LRRC4C: variants seen among roughly 807,000 people sequenced by gnomAD.
LRRC4C encodes leucine rich repeat containing 4C.
A neutral mutation model predicts 33.6 loss-of-function variants in LRRC4C; 5 were observed. The ratio of observed to expected loss-of-function variants is 0.15; its 90% CI spans 0.08 to 0.31. The LOEUF (loss-of-function observed/expected upper bound fraction) is 0.31, where lower values mean the gene tolerates loss of function less well. LRRC4C is among the 10% of genes least tolerant of loss of function. LRRC4C has a pLI of 1.00. For missense variants in LRRC4C, 560 were observed against 796.7 expected (o/e 0.70, Z 3.58); for synonymous variants, 329 against 302.0 (o/e 1.09, Z -0.93).
At chr11:41,205,794 A>C (rs1393100484) in intron 1 of LRRC4C, among the ~76,000 whole-genome samples, 2 of 152,224 alleles carry the variant, frequency 1.3e-5, no homozygotes, top group African/African-American at 4.8e-5. Context: ...AACTCTGTGA[A>C]GTAGATTCTA....
At chr11:41,031,802 G>C (rs938240893) in intron 1 of LRRC4C, among the ~76,000 whole-genome samples, 1 of 151,990 alleles carries the variant, frequency 6.6e-6, no homozygotes, top group Non-Finnish European at 1.5e-5. Context: ...GTTCTAGAAA[G>C]AGCAGCATAA....
At chr11:41,433,546 C>T (rs545403143) in intron 1 of LRRC4C, among the ~76,000 whole-genome samples, 3 of 152,106 alleles carry the variant, frequency 2.0e-5, no homozygotes, top group Admixed American at 6.5e-5. Flanking sequence ...GCAGACCCAC[C>T]CTGAATCTGG....
intron 5 of LRRC4C, among the ~76,000 whole-genome samples, chr11:40,174,373 C>T (rs921313568): frequency 1.3e-5 from 2 of 152,126 alleles, no homozygotes; most frequent in Non-Finnish European, 2.9e-5. Flanking sequence ...GTAACTTTAA[C>T]AAGTAGAAGC....
intron 3 of LRRC4C, among the ~76,000 whole-genome samples, chr11:40,634,760 T>C (rs1963805793): frequency 6.6e-6 from 1 of 151,912 alleles, no homozygotes; most frequent in African/African-American, 2.4e-5. Context: ...TGCATGCCTG[T>C]AGTCTCAGCT....
intron 2 of LRRC4C, among the ~76,000 whole-genome samples, chr11:40,844,356 T>G (rs1953059913): frequency 6.6e-6 from 1 of 152,154 alleles, no homozygotes; most frequent in Non-Finnish European, 1.5e-5. Flanking sequence ...ATGCCAGTGG[T>G]TACTGGAATG....
chr11:40,965,617 A>T (rs922012899), intron 1 of LRRC4C, among the ~76,000 whole-genome samples: 2 of 152,152 alleles, frequency 1.3e-5, no homozygotes, highest in Non-Finnish European at 2.9e-5. Flanking sequence ...ACCATTTATT[A>T]AATAGGGAAT....
intron 3 of LRRC4C, among the ~76,000 whole-genome samples, chr11:40,350,346 G>A (rs1947327338): frequency 6.6e-6 from 1 of 151,982 alleles, no homozygotes; most frequent in Non-Finnish European, 1.5e-5. Flanking sequence ...TATTAAAGAG[G>A]CTGTCCTTTC....
intron 4 of LRRC4C, among the ~76,000 whole-genome samples, chr11:40,294,382 C>A (rs1021708920): frequency 6.6e-6 from 1 of 151,998 alleles, no homozygotes; most frequent in African/African-American, 2.4e-5. Context: ...TCCAGAAATC[C>A]AGGAGTTTTG....
intron 1 of LRRC4C, among the ~76,000 whole-genome samples, chr11:41,180,294 C>T (rs908237918): frequency 2.6e-5 from 4 of 152,142 alleles, no homozygotes; most frequent in South Asian, 2.1e-4. Flanking sequence ...GGAGATAATC[C>T]AACCTGCCAC....
chr11:41,450,347 G>A (rs1024399391), intron 1 of LRRC4C, among the ~76,000 whole-genome samples: 3 of 152,162 alleles, frequency 2.0e-5, no homozygotes, highest in African/African-American at 4.8e-5. Flanking sequence ...CAGGAAAATT[G>A]TTTACATTTA....
At chr11:41,116,898 C>A (rs16935359) in intron 1 of LRRC4C, among the ~76,000 whole-genome samples, 11 of 151,984 alleles carry the variant, frequency 7.2e-5, no homozygotes, top group African/African-American at 2.7e-4. Flanking sequence ...AATTTTTATC[C>A]CACACACCCT....
At chr11:40,660,090 G>A (rs563543939) in intron 2 of LRRC4C, among the ~76,000 whole-genome samples, 1 of 152,186 alleles carries the variant, frequency 6.6e-6, no homozygotes, top group East Asian at 1.9e-4. Flanking sequence ...CATTCTCCTT[G>A]TCCACACACA....
At chr11:41,031,662 A>G (rs748799530) in intron 1 of LRRC4C, among the ~76,000 whole-genome samples, 3 of 152,014 alleles carry the variant, frequency 2.0e-5, no homozygotes, top group African/African-American at 2.4e-5. Context: ...CGGTATTGGG[A>G]CATGCTGGAT....
At chr11:40,508,293 T>C (rs1034406555) in intron 3 of LRRC4C, among the ~76,000 whole-genome samples, 1 of 152,218 alleles carries the variant, frequency 6.6e-6, no homozygotes, top group Non-Finnish European at 1.5e-5. Flanking sequence ...TGTACATTTC[T>C]GTAGTTACTT....
At chr11:40,758,203 T>C (rs1489608599) in intron 2 of LRRC4C, among the ~76,000 whole-genome samples, 1 of 152,066 alleles carries the variant, frequency 6.6e-6, no homozygotes, top group Non-Finnish European at 1.5e-5. Context: ...ATAAATTATA[T>C]GGGATGCTTG....
At chr11:40,336,978 A>G (rs1196883204) in intron 3 of LRRC4C, among the ~76,000 whole-genome samples, 1 of 25,248 alleles carries the variant, frequency 4.0e-5, no homozygotes, top group Non-Finnish European at 1.3e-4. Context: ...CTTCGTCTCA[A>G]AAAAAAAAAA....
chr11:41,067,882 A>C (rs890287590), intron 1 of LRRC4C, among the ~76,000 whole-genome samples: 4 of 152,190 alleles, frequency 2.6e-5, no homozygotes, highest in African/African-American at 9.6e-5. Context: ...AACGTACTAG[A>C]ATCTCTGGCA....
chr11:40,777,949 A>T (rs1360219905), intron 2 of LRRC4C, among the ~76,000 whole-genome samples: 1 of 152,030 alleles, frequency 6.6e-6, no homozygotes, highest in Non-Finnish European at 1.5e-5. Context: ...CGGCCTCCCA[A>T]AGTGCTGGGA....
chr11:41,336,236 A>G (rs1951447342), intron 1 of LRRC4C, among the ~76,000 whole-genome samples: 1 of 152,036 alleles, frequency 6.6e-6, no homozygotes. Flanking sequence ...TGAATTATAG[A>G]CTTTCCTTTT....
Sources: gnomAD v4.1 joint callset for allele counts (sites outside exome capture counted in the v4.1 genomes callset) on GRCh38, gnomAD v4.1.1 for gene constraint, MANE v1.5 for transcripts, NCBI Gene and HGNC (gene_info 2026-07-23, HGNC 2026-07-21) for gene names.